Variants in SLAIN1 observed in about 807,000 individuals in gnomAD.
SLAIN1 encodes SLAIN motif-containing protein 1.
A neutral mutation model predicts 55.4 loss-of-function variants in SLAIN1; 17 were observed. That is an observed-to-expected ratio of 0.31 (90% confidence interval 0.21 to 0.46). The LOEUF is 0.46. Among genes scored for constraint, SLAIN1 ranks in the 20% least tolerant of loss-of-function variants. SLAIN1 has a pLI of 1.00. For missense variants in SLAIN1, 682 were observed against 785.1 expected (o/e 0.87, Z 1.57); for synonymous variants, 348 against 337.4 (o/e 1.03, Z -0.35).
At chr13:77,711,062 A>G (rs988775560) in intron 1 of SLAIN1, among the ~76,000 whole-genome samples, 1 of 152,180 alleles carries the variant, frequency 6.6e-6, no homozygotes, top group Non-Finnish European at 1.5e-5. Flanking sequence ...CCCAGAATCT[A>G]TGGGACACAG....
Position 77,753,317 on chromosome 13 carries a change from T to C in SLAIN1, c.1373T>C (p.Leu458Ser). 1 of 1,611,616 alleles carries C rather than the reference T, an allele frequency of 6.2e-7. No individual in the cohort carries two copies. The highest frequency in any genetic ancestry group is 8.5e-7 in the Non-Finnish European group (1 of 1,179,036). ...VRNSQSFDSS[L>S]HGAGNGISRI... is the part of the protein sequence containing the mutation. ...AATAGTCAGAGTTTTGACTCAAGCT[T>C]GCATGGAGCTGGAAATGGAATTTCA... Residue 458 changes from leucine (L) to serine (S), a missense_variant, in exon 5 of 7, where the codon TTG becomes TCG. Coordinates refer to ENST00000418532, the MANE Select transcript of SLAIN1 (RefSeq NM_001242868.2).
chr13:77,742,454 T>C (rs1873512071), intron 2 of SLAIN1, among the ~76,000 whole-genome samples: 1 of 151,994 alleles, frequency 6.6e-6, no homozygotes, highest in Non-Finnish European at 1.5e-5. Context: ...CTTTAAACCT[T>C]GTTTTGGTCT....
At chr13:77,726,495 C>T (rs989898447) in intron 2 of SLAIN1, among the ~76,000 whole-genome samples, 4 of 152,062 alleles carry the variant, frequency 2.6e-5, no homozygotes, top group African/African-American at 4.8e-5. Flanking sequence ...GACGCAACCA[C>T]GGCTCACTGC....
chr13:77,752,854 G>C (rs573275687), intron 4 of SLAIN1, among the ~76,000 whole-genome samples: 8 of 152,304 alleles, frequency 5.3e-5, no homozygotes, highest in African/African-American at 1.9e-4. Context: ...CAGCTGATTA[G>C]ATGGTGCCTA....
rs2154409058 is a variant in SLAIN1 at position 77,698,561 on chromosome 13, T to TC, written c.626+26dup. 7.2e-7 allele frequency: 1 copy of TC among 1,396,708 alleles called. No homozygotes were observed. The highest frequency in any genetic ancestry group is 1.5e-5 in the African/African-American group (1 of 66,350). The allele number at this position is 1,396,708 out of a possible 1,614,324, so 86.5% of individuals were successfully genotyped here. A position where few individuals can be genotyped will look rare whatever the true frequency, so the allele number is the denominator to read the frequency against. ...CCTGGTACTGCCTGGCTCCGCTCCTTCCCCGAGACCCTGGCCTCGGGGGCT... is the reference window on the plus strand; with the variant it reads ...CCTGGTACTGCCTGGCTCCGCTCCTTCCCCCGAGACCCTGGCCTCGGGGGCT... On this transcript the variant is annotated intron_variant, in intron 1 of 6. Coordinates refer to ENST00000418532, the MANE Select transcript of SLAIN1 (RefSeq NM_001242868.2). This position sits in a 1 kb window ranked among gnomAD's most constrained non-coding sequence, Gnocchi z 4.1.
At chr13:77,706,795 A>T (rs118182699) in intron 1 of SLAIN1, among the ~76,000 whole-genome samples, 2,040 of 152,278 alleles carry the variant, frequency 0.013, 41 homozygotes, top group East Asian at 0.019. Context: ...CTTACATAAG[A>T]TTCATAGTTG....
chr13:77,731,256 T>G (rs1872847217), intron 2 of SLAIN1, among the ~76,000 whole-genome samples: 1 of 152,158 alleles, frequency 6.6e-6, no homozygotes, highest in Admixed American at 6.6e-5. Context: ...TATTGGGAGT[T>G]TATCTATAGT....
chr13:77,711,630 A>G (rs2091151831), intron 1 of SLAIN1, among the ~76,000 whole-genome samples: 1 of 152,204 alleles, frequency 6.6e-6, no homozygotes, highest in Non-Finnish European at 1.5e-5. Context: ...ATTCAGAGCC[A>G]GATTCTACCA....
chr13:77,739,324 G>C (rs1873293397), intron 2 of SLAIN1, among the ~76,000 whole-genome samples: 1 of 152,042 alleles, frequency 6.6e-6, no homozygotes, highest in Admixed American at 6.6e-5. Flanking sequence ...AGAATGGTTT[G>C]AGATAAGGAA....
At chr13:77,710,947 A>T (rs1048601118) in intron 1 of SLAIN1, among the ~76,000 whole-genome samples, 17 of 152,232 alleles carry the variant, frequency 1.1e-4, no homozygotes, top group Admixed American at 9.8e-4. Context: ...AAACCGCACA[A>T]TTACATGGAA....
chr13:77,741,610 A>G (rs1013521043), intron 2 of SLAIN1: 12 of 180,604 alleles, frequency 6.6e-5, no homozygotes, highest in African/African-American at 9.6e-5. Flanking sequence ...TAATTGTTAG[A>G]ATGTGTTGGT....
At chr13:77,708,270 AC>A (rs1322187945) in intron 1 of SLAIN1, among the ~76,000 whole-genome samples, 1 of 152,100 alleles carries the variant, frequency 6.6e-6, no homozygotes, top group Admixed American at 6.5e-5. Context: ...CAAAAAAAGG[AC>A]TCTATCAAAA....
chr13:77,703,889 TTA>T lies in SLAIN1; in HGVS notation c.626+5365_626+5366del, dbSNP rs573032530. Among the ~76,000 whole-genome samples, 148 of 132,644 alleles carry T rather than the reference TTA, an allele frequency of 1.1e-3. 1 individual carries two copies. Among genetic ancestry groups the T allele is most frequent in the Middle Eastern group, 8.6e-3 (2 of 232 alleles). 87.0% of individuals were successfully genotyped at this position (132,644 alleles called of 152,430 possible). ...CAGTGGCAGGTCTAAAAAAAAAAAA[TTA>T]TATATATATATATACACACACACAT... is the stretch of plus-strand genomic sequence containing the variant. On this transcript the variant is annotated intron_variant, in intron 1 of 6. Coordinates refer to ENST00000418532, the MANE Select transcript of SLAIN1 (RefSeq NM_001242868.2).
At chr13:77,713,721 C>T (rs1298334539) in intron 1 of SLAIN1, among the ~76,000 whole-genome samples, 2 of 152,070 alleles carry the variant, frequency 1.3e-5, no homozygotes, top group East Asian at 1.9e-4. Context: ...CACATGCACA[C>T]GTATGTTTAT....
At position 77,729,006 on chromosome 13, in the gene SLAIN1, A is replaced by G. The variant is rs533730708; in HGVS notation, c.766+9335A>G. On this transcript the variant is annotated intron_variant, in intron 2 of 6. Coordinates refer to ENST00000418532, the MANE Select transcript of SLAIN1 (RefSeq NM_001242868.2). ...GAGACAGGGTCTCCTGATACATGCT[A>G]TCATTCCTGTGTGCTGAAAATGGAA... is the stretch of plus-strand genomic sequence containing the variant. Among the ~76,000 whole-genome samples the G allele has an allele frequency of 7.9e-5, 12 of 152,346 alleles. No individual in the cohort carries two copies. The East Asian group carries it at 9.6e-4, about 12-fold the overall frequency.
At chr13:77,716,123 G>GTTT (rs756094692) in intron 1 of SLAIN1, among the ~76,000 whole-genome samples, 3 of 142,694 alleles carry the variant, frequency 2.1e-5, no homozygotes, top group Non-Finnish European at 4.6e-5. Flanking sequence ...TCAAAGTTTT[G>GTTT]TTTTTTTTTT....
At chr13:77,753,398 T>C in intron 5 of SLAIN1, 40 bp downstream of exon 5, 1 of 1,076,296 alleles carries the variant, frequency 9.3e-7, no homozygotes, top group Non-Finnish European at 1.2e-6. Flanking sequence ...ATTGTATAAT[T>C]GTATAATTTT....
intron 1 of SLAIN1, among the ~76,000 whole-genome samples, chr13:77,713,751 GT>G (rs2091176937): frequency 2.6e-5 from 4 of 152,164 alleles, no homozygotes; most frequent in African/African-American, 9.7e-5. Flanking sequence ...GTTCACAATA[GT>G]AAAGACTTGG....
Position 77,698,980 on chromosome 13 carries a change from G to C in SLAIN1, c.626+441G>C. 1 of 1,534,624 alleles carries C rather than the reference G, an allele frequency of 6.5e-7. No individual in the cohort carries two copies. The highest frequency in any genetic ancestry group is 8.7e-7 in the Non-Finnish European group (1 of 1,146,788). The stretch of plus-strand genomic sequence containing the variant: ...TACTGTTCTTTCGTTTTAAACGAAC[G>C]CTGGACAGGATTTGCGTGCTCTTCC... On this transcript the variant is annotated intron_variant, in intron 1 of 6. Transcript: ENST00000418532. This position sits in a 1 kb window ranked among gnomAD's most constrained non-coding sequence, Gnocchi z 4.1.
Sources: gnomAD v4.1 joint callset for allele counts (sites outside exome capture counted in the v4.1 genomes callset) on GRCh38, gnomAD v4.1.1 for gene constraint, Gnocchi (gnomAD v3.1) non-coding constraint, MANE v1.5 for transcripts, NCBI Gene and HGNC (gene_info 2026-07-23, HGNC 2026-07-21) for gene names.